NTRK2: variants seen among roughly 807,000 people sequenced by gnomAD.
The protein encoded by NTRK2 is BDNF/NT-3 growth factors receptor.
In NTRK2, 13 loss-of-function variants were observed where a neutral mutation model predicts 94.5. The ratio of observed to expected loss-of-function variants is 0.14; its 90% CI spans 0.09 to 0.22. The LOEUF (loss-of-function observed/expected upper bound fraction) is 0.22. NTRK2 is among the 10% of genes least tolerant of loss of function. The pLI is 1.00. For synonymous variants in NTRK2, 372 were observed against 407.4 expected (o/e 0.91, Z 1.05); for missense variants, 639 against 1,071.2 (o/e 0.60, Z 5.63).
intron 17 of NTRK2, among the ~76,000 whole-genome samples, chr9:85,010,118 A>G (rs529306499): frequency 6.4e-4 from 97 of 152,284 alleles, no homozygotes; most frequent in African/African-American, 2.3e-3. Context: ...TATGGAGAGT[A>G]CTATTTGGAA....
At chr9:85,001,155 C>T (rs373150861) in intron 17 of NTRK2, among the ~76,000 whole-genome samples, 3 of 152,180 alleles carry the variant, frequency 2.0e-5, no homozygotes, top group African/African-American at 7.2e-5. Context: ...GAATTCTCCC[C>T]TCTCCCTCTT....
intron 5 of NTRK2, among the ~76,000 whole-genome samples, chr9:84,708,596 C>T (rs983688471): frequency 7.2e-5 from 11 of 152,166 alleles, no homozygotes; most frequent in African/African-American, 2.7e-4. Flanking sequence ...TGGTAAGGCA[C>T]CTCAAAGCAT....
chr9:84,989,252 C>T (rs1828749414), intron 17 of NTRK2, among the ~76,000 whole-genome samples: 1 of 152,194 alleles, frequency 6.6e-6, no homozygotes, highest in South Asian at 2.1e-4. Flanking sequence ...AAATACTTCT[C>T]TGAAAATTAT....
chr9:84,961,035 A>G (rs977042196), intron 17 of NTRK2, among the ~76,000 whole-genome samples: 3 of 152,216 alleles, frequency 2.0e-5, no homozygotes, highest in South Asian at 2.1e-4. Context: ...AAGTAAAGCT[A>G]GGAATATAGG....
intron 1 of NTRK2, among the ~76,000 whole-genome samples, 157 bp downstream of exon 1, chr9:84,670,045 C>A (rs150452683): frequency 2.6e-5 from 4 of 152,182 alleles, no homozygotes; most frequent in East Asian, 3.9e-4. Context: ...TCGGGGGCCC[C>A]GTCGCGGAGC....
At chr9:84,811,909 A>G in intron 12 of NTRK2, 6 of 629,804 alleles carry the variant, frequency 9.5e-6, no homozygotes, top group Non-Finnish European at 1.2e-5. Flanking sequence ...GGCTATCCCC[A>G]CCCCACCCCA....
At chr9:84,779,729 A>G (rs549276827) in intron 12 of NTRK2, among the ~76,000 whole-genome samples, 6 of 152,192 alleles carry the variant, frequency 3.9e-5, no homozygotes, top group Non-Finnish European at 5.9e-5. Context: ...TTTCTCCTCA[A>G]CTGTTCAAGA....
intron 14 of NTRK2, among the ~76,000 whole-genome samples, chr9:84,882,614 A>T (rs2076286857): frequency 6.6e-6 from 1 of 152,202 alleles, no homozygotes; most frequent in Admixed American, 6.5e-5. Context: ...CATGTCCGGT[A>T]GCAAGCCACT....
rs149033539 is a variant in NTRK2 at position 84,824,307 on chromosome 9, T to C, written c.1397-36733T>C. On this transcript the variant is annotated intron_variant, in intron 12 of 18. Coordinates refer to ENST00000277120, the MANE Select transcript of NTRK2 (RefSeq NM_006180.6). The stretch of plus-strand genomic sequence containing the variant: ...CTCACGACCCACCACCAGCAATCTG[T>C]GGCTCTCCCTAGTCGACAGGCTGAG... Among the ~76,000 whole-genome samples, 897 of 152,326 alleles carry C rather than the reference T, an allele frequency of 5.9e-3. 12 individuals are homozygous for C. Among genetic ancestry groups the C allele is most frequent in the African/African-American group, 0.021 (853 of 41,572 alleles).
At chr9:84,811,540 G>C (rs899742228) in intron 12 of NTRK2, 3 of 1,065,208 alleles carry the variant, frequency 2.8e-6, no homozygotes, top group African/African-American at 3.3e-5. Context: ...TTGCATTACA[G>C]AACTGCAGCT....
intron 12 of NTRK2, chr9:84,814,246 C>T: frequency 9.4e-7 from 1 of 1,065,502 alleles, no homozygotes; most frequent in Non-Finnish European, 1.1e-6. Flanking sequence ...GAATTAGGCC[C>T]AGAATGGCTG....
intron 12 of NTRK2, among the ~76,000 whole-genome samples, chr9:84,849,710 A>C (rs186906370): frequency 6.6e-6 from 1 of 152,328 alleles, no homozygotes; most frequent in Admixed American, 6.5e-5. Context: ...GGATGGAACT[A>C]TGACAGAGAA....
At chr9:84,873,078 C>A in intron 14 of NTRK2, 2 of 1,064,204 alleles carry the variant, frequency 1.9e-6, no homozygotes, top group Non-Finnish European at 2.3e-6. Flanking sequence ...CGGGGCCCCT[C>A]AGAGTTACCA....
intron 2 of NTRK2, 140 bp downstream of exon 2, chr9:84,671,100 C>A: frequency 1.3e-6 from 1 of 798,652 alleles, no homozygotes; most frequent in Non-Finnish European, 2.1e-6. Flanking sequence ...GGTCATCTGT[C>A]AGTTACCTGC....
chr9:84,877,573 C>T lies in NTRK2; in HGVS notation c.1633+10142C>T, dbSNP rs2076114822. On this transcript the variant is annotated intron_variant, in intron 14 of 18. Coordinates refer to ENST00000277120, the MANE Select transcript of NTRK2 (RefSeq NM_006180.6). ...CTTCCTGCCACCTCATTGCACTGGT[C>T]TCAACCATTCAGCCTGCTGCTGCTG... 5.6e-6 allele frequency: 6 copies of T among 1,066,260 alleles called. No homozygotes were observed. In the South Asian group the frequency reaches 2.7e-4, roughly 48 times the overall value. The allele number at this position is 1,066,260 out of a possible 1,614,324, so 66.0% of individuals were successfully genotyped here.
chr9:84,967,316 T>C (rs910137235), intron 17 of NTRK2, among the ~76,000 whole-genome samples: 3 of 152,216 alleles, frequency 2.0e-5, no homozygotes, highest in African/African-American at 7.2e-5. Flanking sequence ...GCTGGTGGTC[T>C]AGGCAGACCC....
At chr9:84,772,753 G>C (rs1409298977) in intron 12 of NTRK2, among the ~76,000 whole-genome samples, 1 of 152,188 alleles carries the variant, frequency 6.6e-6, no homozygotes, top group Non-Finnish European at 1.5e-5. Flanking sequence ...GAAAGAGTGA[G>C]TAAGAGATCT....
At chr9:85,005,384 T>G (rs1189130538) in intron 17 of NTRK2, among the ~76,000 whole-genome samples, 1 of 152,240 alleles carries the variant, frequency 6.6e-6, no homozygotes, top group African/African-American at 2.4e-5. Flanking sequence ...ACCCTGATTC[T>G]GACTGTGGTC....
At chr9:84,965,874 G>A (rs1019145862) in intron 17 of NTRK2, among the ~76,000 whole-genome samples, 18 of 152,192 alleles carry the variant, frequency 1.2e-4, no homozygotes, top group Middle Eastern at 3.4e-3. Flanking sequence ...TCTGTCCTCC[G>A]GTCATTTCTA....
Sources: allele counts gnomAD v4.1 joint callset (sites outside exome capture counted in the v4.1 genomes callset), GRCh38; gene constraint gnomAD v4.1.1; transcripts MANE v1.5; gene names NCBI Gene and HGNC (gene_info 2026-07-23, HGNC 2026-07-21).